The following IQCB1 variants were observed in gnomAD, a reference collection of about 807,000 sequenced individuals.
IQCB1 encodes IQ motif containing B1, also known as IQ calmodulin-binding motif-containing protein 1.
IQCB1 carries 56 observed loss-of-function variants against 84.4 expected under a neutral mutation model. That is an observed-to-expected ratio of 0.66 (90% CI 0.54 to 0.83). The LOEUF (loss-of-function observed/expected upper bound fraction) is 0.83. Among genes scored for constraint, IQCB1 ranks in the 40% least tolerant of loss-of-function variants. IQCB1 has a pLI of 0.00. For missense variants in IQCB1, 629 were observed against 682.1 expected (o/e 0.92, Z 0.87); for synonymous variants, 210 against 234.8 (o/e 0.89, Z 0.96).
chr3:121,809,135 G>T, intron 5 of IQCB1, 126 bp from the exon 6 acceptor site: 1 of 630,810 alleles, frequency 1.6e-6, no homozygotes, highest in Non-Finnish European at 2.8e-6. Flanking sequence ...TATTTATGAG[G>T]GACATGATTT....
intron 10 of IQCB1, among the ~76,000 whole-genome samples, chr3:121,791,335 T>G (rs1259217494): frequency 6.6e-6 from 1 of 152,242 alleles, no homozygotes; most frequent in Non-Finnish European, 1.5e-5. Flanking sequence ...AACTGAATTT[T>G]CAACTCAAAA....
chr3:121,787,939 G>A (rs770575606), intron 12 of IQCB1, among the ~76,000 whole-genome samples: 1 of 152,050 alleles, frequency 6.6e-6, no homozygotes, highest in African/African-American at 2.4e-5. Flanking sequence ...AAAGGGTAAG[G>A]GTAAACATCT....
At position 121,808,916 on chromosome 3, in the gene IQCB1, C is replaced by T. The variant is rs1345829649; in HGVS notation, c.487G>A (p.Val163Ile). Residue 163 changes from valine (V) to isoleucine (I), a missense_variant and splice_region_variant, in exon 6 of 15, where the codon GTA becomes ATA. By Grantham distance (29) the Val-to-Ile change is conservative (BLOSUM62 3). Transcript: ENST00000310864. ...GTTACATTAAAATCTTTTCTCTTAC[C>T]ATTCTGAATAAGTTCAACATGGCCT... ...LGGHVELIQNVLQSDHFLHLL... is the reference protein window; with the variant it reads ...LGGHVELIQNILQSDHFLHLL... 2 of 1,576,036 alleles carry T rather than the reference C, an allele frequency of 1.3e-6. No homozygotes were observed. The highest frequency in any genetic ancestry group is 1.7e-6 in the Non-Finnish European group (2 of 1,145,968).
rs1243557547 is a variant in IQCB1, at chr3:121,770,528, G to C, written c.1614C>G (p.Phe538Leu). The change falls in exon 15 of 15, where the codon TTC (phenylalanine) becomes TTG (leucine). Residue 538 changes from phenylalanine to leucine, a missense_variant. By Grantham distance (22) the Phe-to-Leu change is conservative. Transcript: ENST00000310864. ...KEAEGKEPEL[F>L]LSRSRPVAAK... is the part of the protein sequence containing the mutation. Reference sequence around the variant, plus strand: ...CTGCCACAGGCCTGGATCTACTTAGGAAGAGCTCAGGTTCTTTCCCTTCTG... The same window carrying C: ...CTGCCACAGGCCTGGATCTACTTAGCAAGAGCTCAGGTTCTTTCCCTTCTG... The C allele has an allele frequency of 1.2e-6, 2 of 1,614,032 alleles. No homozygotes were observed. Among genetic ancestry groups the C allele is most frequent in the Non-Finnish European group, 1.7e-6 (2 of 1,180,048 alleles).
At chr3:121,828,355 A>G in intron 4 of IQCB1, 115 bp downstream of exon 4, 1 of 868,676 alleles carries the variant, frequency 1.2e-6, no homozygotes, top group East Asian at 2.5e-5. Context: ...TACAACCAAA[A>G]CCTACAACAG....
intron 10 of IQCB1, among the ~76,000 whole-genome samples, chr3:121,794,011 C>T (rs922052386): frequency 1.3e-5 from 2 of 151,904 alleles, no homozygotes; most frequent in African/African-American, 2.4e-5. Flanking sequence ...TAAGTAATAC[C>T]TACTCTATCT....
intron 3 of IQCB1, 48 bp downstream of exon 3, chr3:121,828,813 A>G (rs1559804606): frequency 8.3e-7 from 1 of 1,201,654 alleles, no homozygotes; most frequent in Non-Finnish European, 1.2e-6. Context: ...CAACGATGGA[A>G]CCATTTTTCA....
intron 7 of IQCB1, among the ~76,000 whole-genome samples, chr3:121,802,371 G>A (rs910236057): frequency 2.6e-5 from 4 of 152,080 alleles, no homozygotes; most frequent in East Asian, 1.9e-4. Flanking sequence ...GGTAGTTTGC[G>A]TCTTTCAATA....
At chr3:121,793,458 G>A (rs1183547658) in intron 10 of IQCB1, among the ~76,000 whole-genome samples, 1 of 152,046 alleles carries the variant, frequency 6.6e-6, no homozygotes, top group Non-Finnish European at 1.5e-5. Context: ...ACTGAGATAA[G>A]TCCTGAGCAC....
chr3:121,804,121 T>C (rs11715951), intron 7 of IQCB1, among the ~76,000 whole-genome samples: 37,427 of 152,008 alleles, frequency 0.25, 4,941 homozygotes, highest in Non-Finnish European at 0.28. Context: ...AAAGTATACA[T>C]TTCAATTTCT....
At chr3:121,777,910 C>CTT (rs1224307296) in intron 13 of IQCB1, among the ~76,000 whole-genome samples, 9 of 141,780 alleles carry the variant, frequency 6.3e-5, no homozygotes, top group South Asian at 2.2e-4. Context: ...TTCTTGCCCA[C>CTT]TTTTTTTTTT....
intron 12 of IQCB1, among the ~76,000 whole-genome samples, chr3:121,782,210 A>G (rs944262070): frequency 6.6e-6 from 1 of 152,214 alleles, no homozygotes; most frequent in African/African-American, 2.4e-5. Context: ...TTCTATGTCT[A>G]TAGAAAAAAG....
chr3:121,784,823 A>G (rs1948641588), intron 12 of IQCB1, among the ~76,000 whole-genome samples: 1 of 152,062 alleles, frequency 6.6e-6, no homozygotes, highest in African/African-American at 2.4e-5. Context: ...CCGGGACTAC[A>G]GGTATGTGCC....
intron 9 of IQCB1, among the ~76,000 whole-genome samples, chr3:121,796,007 A>G (rs1442658788): frequency 6.6e-6 from 1 of 151,898 alleles, no homozygotes; most frequent in Admixed American, 6.6e-5. Context: ...CATTGGGCTT[A>G]AAAGGTCAGT....
chr3:121,797,825 A>C (rs1052339545), intron 8 of IQCB1, among the ~76,000 whole-genome samples: 1 of 152,034 alleles, frequency 6.6e-6, no homozygotes, highest in Non-Finnish European at 1.5e-5. Context: ...GAAAGGTACA[A>C]AGTAAGTACT....
chr3:121,829,705 G>A (rs1025782096), intron 2 of IQCB1, among the ~76,000 whole-genome samples: 1 of 152,162 alleles, frequency 6.6e-6, no homozygotes, highest in Non-Finnish European at 1.5e-5. Flanking sequence ...CACTGGGAGA[G>A]AACTCAGAAG....
At chr3:121,805,183 A>G (rs969234314) in intron 7 of IQCB1, among the ~76,000 whole-genome samples, 2 of 152,128 alleles carry the variant, frequency 1.3e-5, no homozygotes, top group African/African-American at 4.8e-5. Context: ...GTTTATTTGC[A>G]TGCCCAGTAC....
intron 10 of IQCB1, 42 bp from the exon 11 acceptor site, chr3:121,790,257 A>G (rs1056211693): frequency 1.3e-6 from 2 of 1,570,620 alleles, no homozygotes; most frequent in Admixed American, 1.7e-5. Flanking sequence ...TTCATAAATC[A>G]TATGAAAAAA....
intron 13 of IQCB1, among the ~76,000 whole-genome samples, chr3:121,780,675 T>C (rs1422958463): frequency 6.6e-6 from 1 of 152,230 alleles, no homozygotes; most frequent in East Asian, 1.9e-4. Context: ...GCTACTAATA[T>C]ATTTGTACTT....
Sources: allele counts gnomAD v4.1 joint callset (sites outside exome capture counted in the v4.1 genomes callset), GRCh38; gene constraint gnomAD v4.1.1; transcripts MANE v1.5; gene names NCBI Gene and HGNC (gene_info 2026-07-23, HGNC 2026-07-21).